Variants in CNBD1 observed in about 807,000 individuals in gnomAD.
The protein encoded by CNBD1 is cyclic nucleotide binding domain containing 1.
A neutral mutation model predicts 54.4 loss-of-function variants in CNBD1; 71 were observed. That is an observed-to-expected ratio of 1.30 (90% CI 1.08 to 1.59). The LOEUF is 1.59. Among genes scored for constraint, CNBD1 ranks in the 40% most tolerant of loss-of-function variants. The pLI, the probability that CNBD1 is intolerant of heterozygous loss-of-function variation, is 0.00. For missense variants in CNBD1, 659 were observed against 518.0 expected (o/e 1.27, Z -2.64); for synonymous variants, 182 against 170.7 (o/e 1.07, Z -0.51).
At chr8:86,919,926 G>A (rs1394864103) in intron 3 of CNBD1, among the ~76,000 whole-genome samples, 1 of 151,992 alleles carries the variant, frequency 6.6e-6, no homozygotes, top group African/African-American at 2.4e-5. Flanking sequence ...CAAGCTACCA[G>A]CTGATCCTAA....
At chr8:87,378,763 A>G (rs1406876638) in intron 10 of CNBD1, among the ~76,000 whole-genome samples, 2 of 151,080 alleles carry the variant, frequency 1.3e-5, no homozygotes, top group African/African-American at 4.9e-5. Context: ...CATTTTCATG[A>G]TATTGATTCT....
At chr8:87,036,494 T>A (rs139428608) in intron 4 of CNBD1, among the ~76,000 whole-genome samples, 1 of 147,856 alleles carries the variant, frequency 6.8e-6, no homozygotes, top group South Asian at 2.1e-4. Flanking sequence ...CTTGGGAAGC[T>A]GAGGCAGGAG....
In CNBD1 at chr8:86,944,418, A is replaced by G. The variant is rs1355963257; in HGVS notation, c.431+4664A>G. On this transcript the variant is annotated intron_variant, in intron 4 of 10. Transcript: ENST00000518476. ...TCAGTTAGTGATAAGTGCTAGGAAGAAAAGCTAATGCAGAATAAGGGGATA... is the reference window on the plus strand; with the variant it reads ...TCAGTTAGTGATAAGTGCTAGGAAGGAAAGCTAATGCAGAATAAGGGGATA... 2.6e-5 allele frequency among the ~76,000 whole-genome samples: 4 copies of G among 152,296 alleles called. No individual in the cohort carries two copies. The East Asian group carries it at 5.8e-4, about 22-fold the overall frequency.
Position 87,157,190 on chromosome 8 carries a change from G to A in CNBD1, c.432-48803G>A, listed in dbSNP as rs540268404. ...ATCAGCAATTGTTTACATACCACTT[G>A]ATTTCTAGATTTAACGCTGATTAAC... is the stretch of plus-strand genomic sequence containing the variant. On this transcript the variant is annotated intron_variant, in intron 4 of 10. Transcript: ENST00000518476. 1.7e-4 allele frequency among the ~76,000 whole-genome samples: 26 copies of A among 152,216 alleles called. No individual in the cohort carries two copies. In the South Asian group the frequency reaches 5.4e-3, roughly 32 times the overall value.
chr8:86,984,308 T>C (rs546818096), intron 4 of CNBD1, among the ~76,000 whole-genome samples: 1 of 152,220 alleles, frequency 6.6e-6, no homozygotes, highest in South Asian at 2.1e-4. Flanking sequence ...AGGCAGAAGT[T>C]TGCCACAGGG....
intron 4 of CNBD1, among the ~76,000 whole-genome samples, chr8:87,094,509 AG>A (rs1228653653): frequency 1.3e-5 from 2 of 151,758 alleles, no homozygotes; most frequent in African/African-American, 4.8e-5. Context: ...AAAAGGAAGA[AG>A]GACTGCTGTA....
At chr8:86,957,127 C>T (rs1438673777) in intron 4 of CNBD1, among the ~76,000 whole-genome samples, 3 of 152,206 alleles carry the variant, frequency 2.0e-5, no homozygotes, top group East Asian at 1.9e-4. Flanking sequence ...TGATGGATTA[C>T]GTTTATTGAT....
chr8:87,313,864 A>G (rs968384010), intron 8 of CNBD1, among the ~76,000 whole-genome samples: 3 of 151,912 alleles, frequency 2.0e-5, no homozygotes, highest in African/African-American at 7.2e-5. Flanking sequence ...AACAAAAATA[A>G]TTTTTATAAT....
chr8:87,081,720 A>G (rs1484222602), intron 4 of CNBD1, among the ~76,000 whole-genome samples: 1 of 151,516 alleles, frequency 6.6e-6, no homozygotes, highest in African/African-American at 2.4e-5. Context: ...GTTGGCCAGG[A>G]TGGTCTCGAT....
intron 8 of CNBD1, among the ~76,000 whole-genome samples, chr8:87,349,746 C>T (rs545642891): frequency 7.2e-5 from 11 of 152,266 alleles, no homozygotes; most frequent in African/African-American, 2.4e-4. Flanking sequence ...GCTGTATTGT[C>T]TTCATTGAGA....
chr8:87,030,481 G>A (rs1809756552), intron 4 of CNBD1, among the ~76,000 whole-genome samples: 1 of 152,204 alleles, frequency 6.6e-6, no homozygotes, highest in Non-Finnish European at 1.5e-5. Context: ...TTCTGTCCAA[G>A]TATTTAGAAA....
intron 4 of CNBD1, among the ~76,000 whole-genome samples, chr8:87,157,780 T>C (rs560063577): frequency 6.6e-6 from 1 of 152,190 alleles, no homozygotes; most frequent in Admixed American, 6.5e-5. Context: ...CTAGCACATT[T>C]GCCTATTTTT....
At chr8:87,287,892 G>A (rs1233309534) in intron 8 of CNBD1, among the ~76,000 whole-genome samples, 1 of 151,854 alleles carries the variant, frequency 6.6e-6, no homozygotes, top group Non-Finnish European at 1.5e-5. Context: ...TTTAATCCAT[G>A]TTTAGTCAAA....
At chr8:87,268,457 G>A (rs1808304498) in intron 6 of CNBD1, among the ~76,000 whole-genome samples, 2 of 151,858 alleles carry the variant, frequency 1.3e-5, no homozygotes, top group African/African-American at 4.8e-5. Flanking sequence ...TTTTCCTTTG[G>A]GTATATACCC....
intron 8 of CNBD1, among the ~76,000 whole-genome samples, chr8:87,299,538 G>A (rs1808944299): frequency 6.6e-6 from 1 of 152,180 alleles, no homozygotes; most frequent in African/African-American, 2.4e-5. Flanking sequence ...GGAACATGCA[G>A]TCCTGAATTA....
chr8:87,010,909 A>T (rs1344845616), intron 4 of CNBD1, among the ~76,000 whole-genome samples: 1 of 151,912 alleles, frequency 6.6e-6, no homozygotes, highest in African/African-American at 2.4e-5. Flanking sequence ...TTTATATTTG[A>T]TGACTTGTTT....
intron 2 of CNBD1, among the ~76,000 whole-genome samples, chr8:87,388,698 C>A (rs544510805): frequency 1.2e-4 from 18 of 152,308 alleles, no homozygotes; most frequent in Non-Finnish European, 2.1e-4. Flanking sequence ...ACCATTCCTT[C>A]TGAAACTATT....
intron 8 of CNBD1, among the ~76,000 whole-genome samples, chr8:87,308,579 T>C (rs1809202999): frequency 6.6e-6 from 1 of 152,208 alleles, no homozygotes; most frequent in Non-Finnish European, 1.5e-5. Flanking sequence ...ACATTTGTTA[T>C]TTCTTTGTGT....
At chr8:87,220,746 A>G (rs1814315219) in intron 5 of CNBD1, among the ~76,000 whole-genome samples, 1 of 152,036 alleles carries the variant, frequency 6.6e-6, no homozygotes, top group Admixed American at 6.6e-5. Context: ...TCCTATCATG[A>G]ATACTGTGGT....
Sources: allele counts gnomAD v4.1 joint callset (sites outside exome capture counted in the v4.1 genomes callset), GRCh38; gene constraint gnomAD v4.1.1; transcripts MANE v1.5; gene names NCBI Gene and HGNC (gene_info 2026-07-23, HGNC 2026-07-21).